The following BBS9 variants were observed in gnomAD, a reference collection of about 807,000 sequenced individuals.
BBS9 encodes the protein Bardet-Biedl syndrome 9, also known as protein PTHB1.
In BBS9, 89 loss-of-function variants were observed where a neutral mutation model predicts 117.7. That is an observed-to-expected ratio of 0.76 (90% CI 0.64 to 0.90). The LOEUF (loss-of-function observed/expected upper bound fraction) is 0.90, where lower values mean the gene tolerates loss of function less well. Among genes scored for constraint, BBS9 ranks in the 40% least tolerant of loss-of-function variants. The probability of loss-of-function intolerance (pLI) is 0.00; values close to 1 mark genes in which losing one functional copy is unlikely to be tolerated. For synonymous variants in BBS9, 379 were observed against 370.9 expected (o/e 1.02, Z -0.25); for missense variants, 982 against 1,042.2 (o/e 0.94, Z 0.80).
At chr7:33,270,389 T>G (rs1799595142) in intron 7 of BBS9, among the ~76,000 whole-genome samples, 1 of 152,076 alleles carries the variant, frequency 6.6e-6, no homozygotes, top group African/African-American at 2.4e-5. Flanking sequence ...GAAATAGAAT[T>G]CAGAATATGG....
intron 1 of BBS9, among the ~76,000 whole-genome samples, chr7:33,142,588 C>G (rs924627949): frequency 6.6e-6 from 1 of 152,168 alleles, no homozygotes; most frequent in East Asian, 1.9e-4. Context: ...TACCTATTAA[C>G]AGTTCTCCTT....
At chr7:33,355,275 A>G (rs1819420206) in intron 15 of BBS9, among the ~76,000 whole-genome samples, 1 of 152,048 alleles carries the variant, frequency 6.6e-6, no homozygotes, top group African/African-American at 2.4e-5. Context: ...ATTGGTAGCC[A>G]AATTTACACT....
At chr7:33,361,541 C>G (rs886165841) in intron 16 of BBS9, among the ~76,000 whole-genome samples, 3 of 152,044 alleles carry the variant, frequency 2.0e-5, no homozygotes, top group African/African-American at 7.2e-5. Flanking sequence ...GTTATACTCC[C>G]AGCATCAAGG....
chr7:33,134,826 G>A (rs1009561156), intron 1 of BBS9, among the ~76,000 whole-genome samples: 1 of 151,958 alleles, frequency 6.6e-6, no homozygotes, highest in Non-Finnish European at 1.5e-5. Context: ...AATCTCTCAG[G>A]CTTAAGCAGT....
rs562513986 is a variant in BBS9 at position 33,284,354 on chromosome 7, A to C, written c.1016+10398A>C. 5.9e-5 allele frequency among the ~76,000 whole-genome samples: 9 copies of C among 152,270 alleles called. No homozygotes were observed. The South Asian group carries it at 1.0e-3, about 18-fold the overall frequency. ...GTTTTGCTGTATTATCTTTGATTAG[A>C]ATTCAAGTCTTTGTCAGTCTTTATT... On this transcript the variant is annotated intron_variant, in intron 9 of 22. Coordinates refer to ENST00000242067, the MANE Select transcript of BBS9 (RefSeq NM_198428.3).
chr7:33,297,976 C>A (rs1283250596), intron 9 of BBS9, among the ~76,000 whole-genome samples: 4 of 151,854 alleles, frequency 2.6e-5, no homozygotes, highest in Non-Finnish European at 5.9e-5. Flanking sequence ...TTATTACAGC[C>A]TTTTCTTTTT....
At chr7:33,195,303 G>A (rs2128200678) in intron 5 of BBS9, among the ~76,000 whole-genome samples, 1 of 152,180 alleles carries the variant, frequency 6.6e-6, no homozygotes, top group South Asian at 2.1e-4. Context: ...TAGACTTTGG[G>A]GTTATTTTTT....
At chr7:33,364,434 C>T (rs893316102) in intron 16 of BBS9, among the ~76,000 whole-genome samples, 1 of 152,030 alleles carries the variant, frequency 6.6e-6, no homozygotes, top group Non-Finnish European at 1.5e-5. Flanking sequence ...TACTTCTCTC[C>T]AGATTTGGAA....
chr7:33,367,922 G>C, intron 17 of BBS9, 60 bp downstream of exon 17: 1 of 1,291,100 alleles, frequency 7.7e-7, no homozygotes, highest in South Asian at 1.2e-5. Context: ...CCACATCACA[G>C]AGGATACTCA....
In BBS9 at chr7:33,383,700, T is replaced by A; in HGVS notation, c.1824T>A (p.Asp608Glu). ...GCATTCAGAGTGAACAATTTGAAGA[T>A]CTTTGGCTCATAACCAATGAGCTTA... ...RYRIQSEQFEDLWLITNELIL... is the reference protein window; with the variant it reads ...RYRIQSEQFEELWLITNELIL... Residue 608 changes from aspartate (D) to glutamate (E), a missense_variant, in exon 18 of 23, where the codon GAT becomes GAA. By Grantham distance (45) the Asp-to-Glu change is conservative. Coordinates refer to ENST00000242067, the MANE Select transcript of BBS9 (RefSeq NM_198428.3). 1 of 1,610,342 alleles carries A rather than the reference T, an allele frequency of 6.2e-7. No individual in the cohort carries two copies. The highest frequency in any genetic ancestry group is 8.5e-7 in the Non-Finnish European group (1 of 1,177,852).
intron 9 of BBS9, among the ~76,000 whole-genome samples, chr7:33,303,773 T>G (rs541435967): frequency 1.1e-3 from 168 of 152,150 alleles, no homozygotes; most frequent in Non-Finnish European, 2.1e-3. Flanking sequence ...ACTCCCGAGG[T>G]GCTGGGATTG....
At chr7:33,195,018 A>G (rs1177026740) in intron 5 of BBS9, among the ~76,000 whole-genome samples, 1 of 152,212 alleles carries the variant, frequency 6.6e-6, no homozygotes, top group African/African-American at 2.4e-5. Flanking sequence ...TTGAACCCAG[A>G]GCTATCTGAT....
At chr7:33,510,141 T>A (rs1846720821) in intron 20 of BBS9, among the ~76,000 whole-genome samples, 1 of 152,166 alleles carries the variant, frequency 6.6e-6, no homozygotes, top group Non-Finnish European at 1.5e-5. Context: ...GTCTCTACCA[T>A]CTTCCTGTGA....
chr7:33,149,173 T>C (rs923824032), intron 2 of BBS9, among the ~76,000 whole-genome samples: 3 of 152,120 alleles, frequency 2.0e-5, no homozygotes, highest in African/African-American at 7.2e-5. Context: ...GAGGCTTTCA[T>C]TGATGGAGCA....
chr7:33,158,195 T>G (rs1276553250), intron 4 of BBS9, among the ~76,000 whole-genome samples: 2 of 152,216 alleles, frequency 1.3e-5, no homozygotes, highest in African/African-American at 4.8e-5. Context: ...TTTAACATCC[T>G]TAGATTGCTC....
intron 11 of BBS9, among the ~76,000 whole-genome samples, chr7:33,343,719 G>A (rs61706828): frequency 0.11 from 17,182 of 151,998 alleles, 1,147 homozygotes; most frequent in Non-Finnish European, 0.15. Flanking sequence ...GGCTGGTCTC[G>A]AACTCCTGAC....
At chr7:33,316,842 A>G (rs558630595) in intron 9 of BBS9, among the ~76,000 whole-genome samples, 22 of 152,126 alleles carry the variant, frequency 1.4e-4, no homozygotes, top group Non-Finnish European at 2.8e-4. Context: ...TCATTTTTTC[A>G]CAGTGACTTT....
chr7:33,590,060 A>C (rs1240947142), intron 21 of BBS9, among the ~76,000 whole-genome samples: 1 of 152,120 alleles, frequency 6.6e-6, no homozygotes, highest in African/African-American at 2.4e-5. Flanking sequence ...GTTTCAAGGA[A>C]GACTGAATGA....
chr7:33,561,790 TA>T (rs1856120958), intron 21 of BBS9, among the ~76,000 whole-genome samples: 1 of 152,200 alleles, frequency 6.6e-6, no homozygotes, highest in Admixed American at 6.5e-5. Flanking sequence ...AATGTCATGG[TA>T]AGATTTCTTA....
Sources: gnomAD v4.1 joint callset for allele counts (sites outside exome capture counted in the v4.1 genomes callset) on GRCh38, gnomAD v4.1.1 for gene constraint, MANE v1.5 for transcripts, NCBI Gene and HGNC (gene_info 2026-07-23, HGNC 2026-07-21) for gene names.